The following GPR35 variants were observed in gnomAD, a reference collection of about 807,000 sequenced individuals.
The protein encoded by GPR35 is G protein-coupled receptor 35.
For missense variants in GPR35, 372 were observed against 422.5 expected (o/e 0.88, Z 1.05); for synonymous variants, 207 against 198.4 (o/e 1.04, Z -0.36).
rs939503338 is a variant in GPR35 at position 240,632,620 on chromosome 2, T to C, written c.*1738T>C. Among the ~76,000 whole-genome samples the C allele has an allele frequency of 6.6e-6, 1 of 150,456 alleles. No individual in the cohort carries two copies. The highest frequency in any genetic ancestry group is 2.5e-5 in the African/African-American group (1 of 40,678). ...GGAGGGCCCATACACAACAGAGCCC[T>C]GTGCCCAGGAAGGACCATGTCAAGG... On this transcript the variant is annotated 3_prime_UTR_variant, in exon 2 of 2. Transcript: ENST00000407714.
chr2:240,611,254 C>T (rs2043180526), intron 2 of GPR35, among the ~76,000 whole-genome samples: 1 of 152,150 alleles, frequency 6.6e-6, no homozygotes, highest in African/African-American at 2.4e-5. Context: ...AGGCATGAGA[C>T]ACCGTGCCTG....
upstream of GPR35, chr2:240,625,196 C>T (rs1286088330): frequency 2.8e-5 from 25 of 885,788 alleles, no homozygotes; most frequent in Admixed American, 1.2e-4. Context: ...GCTCCGTGGG[C>T]GGGGCTGGAG....
intron 1 of GPR35, chr2:240,605,621 G>A (rs1312834531): frequency 6.6e-6 from 1 of 152,442 alleles, no homozygotes; most frequent in African/African-American, 2.4e-5. Flanking sequence ...GAGAGGGCTG[G>A]TCGGGGCAGG....
chr2:240,623,462 T>TGCAAACAGGTTGTGAGGGC, upstream of GPR35, among the ~76,000 whole-genome samples: 1 of 29,302 alleles, frequency 3.4e-5, no homozygotes, highest in Non-Finnish European at 6.5e-5. Context: ...GTCGTGAGGG[T>TGCAAACAGGTTGTGAGGGC]GCAAACAGGT....
At chr2:240,613,830 C>G (rs973276441) in intron 2 of GPR35, among the ~76,000 whole-genome samples, 1 of 150,860 alleles carries the variant, frequency 6.6e-6, no homozygotes, top group Admixed American at 6.6e-5. Flanking sequence ...ACACTAACTC[C>G]AACTACAACC....
chr2:240,610,704 G>A (rs755488888), intron 2 of GPR35, among the ~76,000 whole-genome samples: 54 of 145,880 alleles, frequency 3.7e-4, no homozygotes, highest in Non-Finnish European at 4.2e-4. Flanking sequence ...GCATGATCTC[G>A]GCTCACTGCA....
chr2:240,623,957 G>A (rs2043337909), upstream of GPR35, among the ~76,000 whole-genome samples: 1 of 151,804 alleles, frequency 6.6e-6, no homozygotes, highest in Non-Finnish European at 1.5e-5. Context: ...CTGCTGGGGA[G>A]GAGTGATGCC....
chr2:240,627,038 T>C (rs528623505), intron 1 of GPR35, among the ~76,000 whole-genome samples: 39 of 152,286 alleles, frequency 2.6e-4, no homozygotes, highest in African/African-American at 8.9e-4. Context: ...TGCTGCTGGC[T>C]CCAATCCCCA....
upstream of GPR35, among the ~76,000 whole-genome samples, chr2:240,624,983 C>T (rs2043352625): frequency 2.0e-5 from 3 of 152,124 alleles, no homozygotes; most frequent in South Asian, 6.2e-4. Context: ...TGTGTGTGTG[C>T]ATGTGTGCCA....
chr2:240,606,380 G>A (rs1188300454), intron 1 of GPR35: 1 of 152,306 alleles, frequency 6.6e-6, no homozygotes, highest in African/African-American at 2.4e-5. Context: ...CTGTCTCTGT[G>A]TTGCAGCTGA....
upstream of GPR35, among the ~76,000 whole-genome samples, chr2:240,622,406 G>A (rs2975777): frequency 1.1e-4 from 16 of 152,176 alleles, no homozygotes; most frequent in African/African-American, 2.7e-4. Context: ...CCCTGACATC[G>A]CCTCACAGAC....
intron 2 of GPR35, among the ~76,000 whole-genome samples, chr2:240,612,196 C>T (rs549988852): frequency 1.3e-5 from 2 of 151,194 alleles, no homozygotes; most frequent in Non-Finnish European, 2.9e-5. Flanking sequence ...ACTGGGAGGC[C>T]GAGGCGGGCG....
At chr2:240,610,179 C>CA (rs2043168859) in intron 2 of GPR35, among the ~76,000 whole-genome samples, 1 of 152,138 alleles carries the variant, frequency 6.6e-6, no homozygotes, top group African/African-American at 2.4e-5. Context: ...AGGCTGGTCT[C>CA]AAGCTCCTGA....
upstream of GPR35, among the ~76,000 whole-genome samples, chr2:240,623,522 A>AAACAGGTCGT (rs2043332736): frequency 6.6e-6 from 1 of 150,554 alleles, no homozygotes; most frequent in Non-Finnish European, 1.5e-5. Context: ...GTGAGGGTGC[A>AAACAGGTCGT]GCTTTGGGGA....
intron 2 of GPR35, among the ~76,000 whole-genome samples, chr2:240,613,563 A>G (rs747898669): frequency 3.2e-4 from 49 of 152,156 alleles, no homozygotes; most frequent in Non-Finnish European, 4.3e-4. Flanking sequence ...TGTGGACTCC[A>G]ACCCTAATGC....
intron 2 of GPR35, among the ~76,000 whole-genome samples, chr2:240,614,695 G>A (rs976817617): frequency 2.6e-5 from 4 of 152,330 alleles, no homozygotes; most frequent in Admixed American, 1.3e-4. Context: ...GGAGGGACCG[G>A]GTAGGCGCAG....
intron 1 of GPR35, among the ~76,000 whole-genome samples, chr2:240,627,013 G>A (rs946948126): frequency 2.0e-5 from 3 of 152,170 alleles, no homozygotes; most frequent in East Asian, 1.9e-4. Context: ...AAGGGGAAGC[G>A]GGGCCTCAGA....
intron 2 of GPR35, among the ~76,000 whole-genome samples, chr2:240,610,191 C>T (rs2043169147): frequency 6.6e-6 from 1 of 152,174 alleles, no homozygotes; most frequent in African/African-American, 2.4e-5. Context: ...AGCTCCTGAC[C>T]TTGTGGTCTG....
intron 1 of GPR35, 187 bp from the exon 2 acceptor site, chr2:240,629,762 T>C: frequency 1.7e-6 from 1 of 585,124 alleles, no homozygotes; most frequent in Non-Finnish European, 3.1e-6. Context: ...GTCCAGGGGT[T>C]AGACCTCAAG....
Sources: allele counts gnomAD v4.1 joint callset (sites outside exome capture counted in the v4.1 genomes callset), GRCh38; gene constraint gnomAD v4.1.1; transcripts MANE v1.5; gene names NCBI Gene and HGNC (gene_info 2026-07-23, HGNC 2026-07-21).